Variants in COL4A3 observed in about 807,000 individuals in gnomAD.
COL4A3 encodes collagen type IV alpha 3 chain.
Under a neutral mutation model 217.4 loss-of-function variants are expected in COL4A3, and 135 were observed. That is an observed-to-expected ratio of 0.62 (90% CI 0.54 to 0.72). COL4A3 has a LOEUF of 0.72. COL4A3 is among the 30% of genes least tolerant of loss of function. The pLI is 0.00. For missense variants in COL4A3, 1,868 were observed against 2,119.9 expected, an observed-to-expected ratio of 0.88 and a Z score of 2.33; for synonymous variants, 690 against 736.3, an observed-to-expected ratio of 0.94 and a Z score of 1.02.
chr2:227,213,470 A>G (rs2067401573), intron 1 of COL4A3, among the ~76,000 whole-genome samples: 1 of 152,192 alleles, frequency 6.6e-6, no homozygotes, highest in African/African-American at 2.4e-5. Context: ...CTAAAAATGT[A>G]AAGCCATTAT....
Position 227,164,798 on chromosome 2 carries a change from G to T in COL4A3, c.72G>T (p.Ala24=). 6.6e-7 allele frequency: 1 copy of T among 1,518,026 alleles called. No homozygotes were observed. Among genetic ancestry groups the T allele is most frequent in the Non-Finnish European group, 8.8e-7 (1 of 1,140,056 alleles). 94.0% of individuals were successfully genotyped at this position (1,518,026 alleles called of 1,614,324 possible). Residue 24 remains alanine, a synonymous_variant, in exon 1 of 52, where the codon GCG becomes GCT. Transcript: ENST00000396578. The surrounding 1 kb of genome is among the most constrained non-coding windows in gnomAD (Gnocchi z 4.8). ...TCCTGCTGGTGCTCCTGGCGGCGGC[G>T]CCCGCAGCCAGCAAGGTGAGTGGGG... The part of the protein sequence containing the change: ...LPLLLVLLAA[A]PAASKGCVCK...
At chr2:227,300,795 G>C (rs1443768099) in intron 43 of COL4A3, among the ~76,000 whole-genome samples, 1 of 152,212 alleles carries the variant, frequency 6.6e-6, no homozygotes, top group Non-Finnish European at 1.5e-5. Flanking sequence ...ACTGTAGAGG[G>C]AAGGTGTTCA....
At chr2:227,264,280 G>A (rs1574729409) in intron 21 of COL4A3, among the ~76,000 whole-genome samples, 1 of 152,184 alleles carries the variant, frequency 6.6e-6, no homozygotes, top group Non-Finnish European at 1.5e-5. Context: ...TGCCAGGGGA[G>A]AAAGAGGCAA....
Position 227,292,153 on chromosome 2 carries a change from G to A in COL4A3, c.3211-1038G>A, listed in dbSNP as rs184898419. 3.7e-4 allele frequency among the ~76,000 whole-genome samples: 56 copies of A among 152,070 alleles called. 1 individual carries two copies. Among genetic ancestry groups the A allele is most frequent in the Middle Eastern group, 6.8e-3 (2 of 294 alleles). ...CCAATATATAAAAAGTATTACTTAG[G>A]GAACCTTCTCCCTCTTTTTGGAGAC... On this transcript the variant is annotated intron_variant, in intron 37 of 51. Transcript: ENST00000396578.
chr2:227,228,368 G>A (rs1251909458), intron 1 of COL4A3: 1 of 152,590 alleles, frequency 6.6e-6, no homozygotes, highest in African/African-American at 2.4e-5. Flanking sequence ...GTCTGGCACG[G>A]TTTGGCTATA....
chr2:227,295,208 C>G (rs1409843796), intron 40 of COL4A3, 61 bp from the exon 41 acceptor site: 1 of 1,573,972 alleles, frequency 6.4e-7, no homozygotes, highest in African/African-American at 1.4e-5. Flanking sequence ...AAACTTTTCT[C>G]ATAGACATAT....
intron 5 of COL4A3, 173 bp from the exon 6 acceptor site, chr2:227,245,781 G>A (rs1414732229): frequency 1.5e-6 from 1 of 681,886 alleles, no homozygotes; most frequent in Non-Finnish European, 2.7e-6. Context: ...CAGTCAGCCT[G>A]TTTAGTTTGT....
intron 25 of COL4A3, 114 bp from the exon 26 acceptor site, chr2:227,272,835 T>C: frequency 8.7e-7 from 1 of 1,152,276 alleles, no homozygotes; most frequent in Non-Finnish European, 1.3e-6. Flanking sequence ...CCAAATGCTT[T>C]TAATTCAAGA....
chr2:227,293,165 T>G (rs772454638), intron 37 of COL4A3, 26 bp from the exon 38 acceptor site: 35 of 1,613,534 alleles, frequency 2.2e-5, no homozygotes, highest in Non-Finnish European at 2.9e-5. Flanking sequence ...ATATGAGAAT[T>G]TTAAAGGTAT....
chr2:227,309,196 T>C lies in COL4A3; in HGVS notation c.4641-8T>C. 6.2e-7 allele frequency: 1 copy of C among 1,614,044 alleles called. No homozygotes were observed. The highest frequency in any genetic ancestry group is 1.6e-4 in the Middle Eastern group (1 of 6,062). ...CAATGCCGCCATAGTCTTTGTTTCA[T>C]GTTACAGATGCACTGTTTGTGAAGG... On this transcript the variant is annotated splice_region_variant and splice_polypyrimidine_tract_variant and intron_variant, in intron 49 of 51. Transcript: ENST00000396578.
At chr2:227,281,503 A>G (rs1322239633) in intron 31 of COL4A3, among the ~76,000 whole-genome samples, 1 of 152,236 alleles carries the variant, frequency 6.6e-6, no homozygotes, top group Non-Finnish European at 1.5e-5. Flanking sequence ...TGCAGGCTAG[A>G]TGTTCCAGAT....
chr2:227,230,718 A>G (rs2068356584), intron 1 of COL4A3, among the ~76,000 whole-genome samples: 1 of 152,220 alleles, frequency 6.6e-6, no homozygotes, highest in Non-Finnish European at 1.5e-5. Flanking sequence ...ACATTTGCAA[A>G]TTGAAAATGT....
intron 1 of COL4A3, among the ~76,000 whole-genome samples, chr2:227,230,551 G>C (rs989919346): frequency 7.9e-5 from 12 of 152,114 alleles, no homozygotes; most frequent in Non-Finnish European, 4.4e-5. Context: ...TGATTTAACA[G>C]TTGAATAGTA....
rs1044952977 is a variant in COL4A3, at chr2:227,314,623, A to G, written c.*2753A>G. 1.3e-5 allele frequency: 2 copies of G among 152,470 alleles called. No homozygotes were observed. Among genetic ancestry groups the G allele is most frequent in the African/African-American group, 4.8e-5 (2 of 41,432 alleles). 9.4% of individuals were successfully genotyped at this position (152,470 alleles called of 1,614,324 possible). ...AATGTAACTTACTGCGACTAAACTT[A>G]ATTTAATATTTACTCTATAACCAAA... On this transcript the variant is annotated 3_prime_UTR_variant, in exon 52 of 52. Transcript: ENST00000396578.
chr2:227,167,416 T>C (rs760383140), intron 1 of COL4A3, among the ~76,000 whole-genome samples: 2 of 152,228 alleles, frequency 1.3e-5, no homozygotes, highest in Non-Finnish European at 2.9e-5. Flanking sequence ...CCAGGTTTTA[T>C]AGCTGTCAGG....
In COL4A3 at chr2:227,263,827, A is replaced by G; in HGVS notation, c.1198A>G (p.Lys400Glu). 1 of 1,614,104 alleles carries G rather than the reference A, an allele frequency of 6.2e-7. No homozygotes were observed. The highest frequency in any genetic ancestry group is 8.5e-7 in the Non-Finnish European group (1 of 1,179,968). ...AGGAGCCCCTGGATGGCCAGGCCTG[A>G]AAGGAAGTAAAGGGGAACGAGGCCG... ...LRGAPGWPGL[K>E]GSKGERGRPG... The change falls in exon 21 of 52, where the codon AAA becomes GAA. Residue 400 changes from lysine (K) to glutamate (E), a missense_variant. Coordinates refer to ENST00000396578, the MANE Select transcript of COL4A3 (RefSeq NM_000091.5).
intron 1 of COL4A3, among the ~76,000 whole-genome samples, chr2:227,184,417 A>G (rs1389335843): frequency 1.3e-5 from 2 of 152,254 alleles, no homozygotes; most frequent in Non-Finnish European, 2.9e-5. Context: ...AAGAAATGAT[A>G]ACTATTGAAA....
At chr2:227,306,834 C>T (rs981860749) in intron 47 of COL4A3, among the ~76,000 whole-genome samples, 2 of 152,116 alleles carry the variant, frequency 1.3e-5, no homozygotes, top group Non-Finnish European at 2.9e-5. Flanking sequence ...TCTGTGATTC[C>T]TTAGGACCCT....
intron 34 of COL4A3, among the ~76,000 whole-genome samples, chr2:227,288,079 A>G (rs2072449032): frequency 6.6e-6 from 1 of 152,160 alleles, no homozygotes; most frequent in Non-Finnish European, 1.5e-5. Context: ...CTCTGTAAGT[A>G]ATAGAGATTC....
Sources: allele counts gnomAD v4.1 joint callset (sites outside exome capture counted in the v4.1 genomes callset), GRCh38; gene constraint gnomAD v4.1.1; non-coding constraint Gnocchi (gnomAD v3.1); transcripts MANE v1.5; gene names NCBI Gene and HGNC (gene_info 2026-07-23, HGNC 2026-07-21).